The following SATB2 variants were observed in gnomAD, a reference collection of about 807,000 sequenced individuals.
SATB2 encodes the protein SATB homeobox 2, also known as DNA-binding protein SATB2.
A neutral mutation model predicts 73.4 loss-of-function variants in SATB2; 1 was observed. That is an observed-to-expected ratio of 0.01 (90% CI 0.00 to 0.06). The LOEUF is 0.06. Ranked by LOEUF, SATB2 falls within the 10% of genes least tolerant of loss-of-function variation. The probability of loss-of-function intolerance (pLI) is 1.00; values close to 1 mark genes in which losing one functional copy is unlikely to be tolerated. For synonymous variants in SATB2, 397 were observed against 367.0 expected, an observed-to-expected ratio of 1.08 and a Z score of -0.93; for missense variants, 459 against 945.8, an observed-to-expected ratio of 0.49 and a Z score of 6.75.
chr2:199,274,861 C>A (rs1343578517), intron 10 of SATB2, among the ~76,000 whole-genome samples: 2 of 152,012 alleles, frequency 1.3e-5, no homozygotes, highest in African/African-American at 4.8e-5. Flanking sequence ...TGGTGCTGGT[C>A]AGGTCCACTT....
upstream of SATB2, chr2:199,465,294 CTG>C (rs1692572213): frequency 6.6e-6 from 1 of 152,216 alleles, no homozygotes; most frequent in Non-Finnish European, 1.5e-5. Context: ...CAACAGAAAA[CTG>C]TTGACAACCA....
At chr2:199,292,428 C>A (rs2105744285) in intron 10 of SATB2, among the ~76,000 whole-genome samples, 1 of 152,270 alleles carries the variant, frequency 6.6e-6, no homozygotes, top group East Asian at 1.9e-4. Context: ...AAGCCATGTA[C>A]CTGCTTAGAA....
intron 2 of SATB2, among the ~76,000 whole-genome samples, chr2:199,452,914 C>G (rs1366188280): frequency 6.6e-6 from 1 of 152,018 alleles, no homozygotes; most frequent in African/African-American, 2.4e-5. Flanking sequence ...CAAAGCAAAA[C>G]ATCTAGTTTC....
At chr2:199,320,205 G>T (rs1023486296) in intron 9 of SATB2, among the ~76,000 whole-genome samples, 2 of 152,010 alleles carry the variant, frequency 1.3e-5, no homozygotes, top group African/African-American at 4.8e-5. Flanking sequence ...CACAGAAAAC[G>T]CTCCATATGC....
chr2:199,282,124 G>A (rs1024586176), intron 10 of SATB2, among the ~76,000 whole-genome samples: 7 of 151,974 alleles, frequency 4.6e-5, no homozygotes, highest in African/African-American at 7.3e-5. Context: ...CTCGTGATCC[G>A]CCCACCTTGG....
intron 5 of SATB2, among the ~76,000 whole-genome samples, chr2:199,375,472 A>AAT (rs1418869361): frequency 6.6e-6 from 1 of 152,158 alleles, no homozygotes; most frequent in Non-Finnish European, 1.5e-5. Context: ...CCCTGTTTTA[A>AAT]ATATATATAT....
chr2:199,428,868 T>A (rs1358998263), intron 3 of SATB2, among the ~76,000 whole-genome samples: 1 of 151,972 alleles, frequency 6.6e-6, no homozygotes. Flanking sequence ...AAAATTAGGC[T>A]GGGCATGGTG....
exon 1 of SATB2, chr2:199,471,071 T>A (rs1692696283): frequency 6.6e-6 from 1 of 152,388 alleles, no homozygotes; most frequent in African/African-American, 2.4e-5. Context: ...AATCGGCGAG[T>A]GCAAAGTAGC....
At chr2:199,312,834 C>A (rs2105774962) in intron 9 of SATB2, among the ~76,000 whole-genome samples, 1 of 152,170 alleles carries the variant, frequency 6.6e-6, no homozygotes, top group South Asian at 2.1e-4. Flanking sequence ...TAGTCTTGCC[C>A]AAAATGCATA....
chr2:199,316,018 A>G (rs1319151069), intron 9 of SATB2, among the ~76,000 whole-genome samples: 1 of 152,132 alleles, frequency 6.6e-6, no homozygotes, highest in Non-Finnish European at 1.5e-5. Flanking sequence ...TCTTCAATAC[A>G]GAAAATGTCA....
At chr2:199,417,562 G>C (rs1365400051) in intron 3 of SATB2, among the ~76,000 whole-genome samples, 1 of 152,140 alleles carries the variant, frequency 6.6e-6, no homozygotes, top group East Asian at 1.9e-4. Context: ...CATTTGTACT[G>C]AGGTAACTCA....
At chr2:199,301,053 A>T in intron 10 of SATB2, among the ~76,000 whole-genome samples, 1 of 152,118 alleles carries the variant, frequency 6.6e-6, no homozygotes, top group Non-Finnish European at 1.5e-5. Context: ...AACTGACTTT[A>T]AAAAAATACA....
chr2:199,286,539 G>C (rs1692693114), intron 10 of SATB2, among the ~76,000 whole-genome samples: 1 of 152,004 alleles, frequency 6.6e-6, no homozygotes, highest in Non-Finnish European at 1.5e-5. Flanking sequence ...GACCCTTTAG[G>C]ACAGTCCGGG....
intron 2 of SATB2, among the ~76,000 whole-genome samples, chr2:199,434,874 T>C (rs1691607310): frequency 6.6e-6 from 1 of 152,186 alleles, no homozygotes; most frequent in Non-Finnish European, 1.5e-5. Context: ...TTGAGGTATT[T>C]GTTCTAAAGA....
At chr2:199,433,883 T>C (rs1039417951) in intron 2 of SATB2, among the ~76,000 whole-genome samples, 1 of 152,138 alleles carries the variant, frequency 6.6e-6, no homozygotes, top group African/African-American at 2.4e-5. Flanking sequence ...TCTAAAAATC[T>C]ATTTCAAAGC....
At chr2:199,458,193 G>A (rs1458869965), upstream of SATB2, 1 of 210,442 alleles carries the variant, frequency 4.8e-6, no homozygotes, top group African/African-American at 2.5e-5. Context: ...AAGAAAAGAG[G>A]GGAGTGGGGG....
At chr2:199,273,920 T>C (rs1302335369) in intron 10 of SATB2, among the ~76,000 whole-genome samples, 7 of 152,180 alleles carry the variant, frequency 4.6e-5, no homozygotes, top group Admixed American at 1.3e-4. Flanking sequence ...CATGAAGTCC[T>C]GATGAGGAAC....
At chr2:199,435,745 A>G (rs1181896292) in intron 2 of SATB2, among the ~76,000 whole-genome samples, 2 of 152,220 alleles carry the variant, frequency 1.3e-5, no homozygotes, top group Non-Finnish European at 2.9e-5. Context: ...ACAAGTAAGA[A>G]CAAGTCTGAT....
intron 10 of SATB2, among the ~76,000 whole-genome samples, chr2:199,277,697 A>G (rs565226634): frequency 9.2e-5 from 14 of 152,342 alleles, no homozygotes; most frequent in African/African-American, 2.6e-4. Flanking sequence ...AGTAGCTTTA[A>G]TAACAATAAT....
Sources: gnomAD v4.1 joint callset for allele counts (sites outside exome capture counted in the v4.1 genomes callset) on GRCh38, gnomAD v4.1.1 for gene constraint, MANE v1.5 for transcripts, NCBI Gene and HGNC (gene_info 2026-07-23, HGNC 2026-07-21) for gene names.